POLR2D: variants seen among roughly 807,000 people sequenced by gnomAD.
POLR2D encodes the protein RNA polymerase II subunit D, also known as DNA-directed RNA polymerase II subunit RPB4.
A neutral mutation model predicts 17.6 loss-of-function variants in POLR2D; 10 were observed. The ratio of observed to expected loss-of-function variants is 0.57; its 90% CI spans 0.35 to 0.96. POLR2D has a LOEUF of 0.96. Among genes scored for constraint, POLR2D ranks in the 40% least tolerant of loss-of-function variants. The pLI, the probability that POLR2D is intolerant of heterozygous loss-of-function variation, is 0.02. For synonymous variants in POLR2D, 52 were observed against 60.2 expected (o/e 0.86, Z 0.63); for missense variants, 126 against 176.4 (o/e 0.71, Z 1.62).
chr2:127,853,239 T>C, intron 1 of POLR2D, 134 bp from the exon 2 acceptor site: 4 of 697,068 alleles, frequency 5.7e-6, no homozygotes, highest in South Asian at 1.8e-5. Flanking sequence ...CTGCTTTTTT[T>C]TGAACTTTTA....
At chr2:127,853,275 G>C (rs56240308) in intron 1 of POLR2D, among the ~76,000 whole-genome samples, 170 bp from the exon 2 acceptor site, 2 of 152,096 alleles carry the variant, frequency 1.3e-5, no homozygotes, top group Non-Finnish European at 2.9e-5. Flanking sequence ...GCATGTGCAG[G>C]TCTGTACTAC....
rs76109896 is a variant in POLR2D, at chr2:127,844,107, C to CAAAAAAAAAAAAAAAAAAAA, written c.*3999_*4000insTTTTTTTTTTTTTTTTTTTT. 1.7e-4 allele frequency: 12 copies of CAAAAAAAAAAAAAAAAAAAA among 69,474 alleles called. 3 individuals carry two copies. The highest frequency in any genetic ancestry group is 6.4e-4 in the African/African-American group (10 of 15,660). 4.3% of individuals were successfully genotyped at this position (69,474 alleles called of 1,614,324 possible). On this transcript the variant is annotated 3_prime_UTR_variant, in exon 4 of 4. Coordinates refer to ENST00000272645, the MANE Select transcript of POLR2D (RefSeq NM_004805.4). ...CGACAGAGCAAGATCCTGCTGTATC[C>CAAAAAAAAAAAAAAAAAAAA]AAAAAAAAAAAAAAAAAAAGCCTGG...
rs897822969 is a variant in POLR2D at position 127,852,021 on chromosome 2, G to A, written c.254+904C>T. Among the ~76,000 whole-genome samples, 1 of 151,888 alleles carries A rather than the reference G, an allele frequency of 6.6e-6. No individual in the cohort carries two copies. Among genetic ancestry groups the A allele is most frequent in the Non-Finnish European group, 1.5e-5 (1 of 67,974 alleles). On this transcript the variant is annotated intron_variant, in intron 2 of 3. Transcript: ENST00000272645. This position sits in a 1 kb window ranked among gnomAD's most constrained non-coding sequence, Gnocchi z 4.0. The stretch of plus-strand genomic sequence containing the variant: ...TCAGGCTGGTCTTGAACTCCTGACC[G>A]CAAGAGATGTGCCCATCTTGGTCTC...
chr2:127,851,792 G>A (rs1690256452), intron 2 of POLR2D, among the ~76,000 whole-genome samples: 1 of 151,830 alleles, frequency 6.6e-6, no homozygotes, highest in Non-Finnish European at 1.5e-5. Flanking sequence ...CTAATTCGAG[G>A]ACTTTGTTTT....
At chr2:127,848,268 CCACATCTCTAA>C in intron 3 of POLR2D, 83 bp from the exon 4 acceptor site, 3 of 780,532 alleles carry the variant, frequency 3.8e-6, no homozygotes, top group Non-Finnish European at 6.6e-6. Flanking sequence ...AATCTACTGC[CCACATCTCTAA>C]CACCTTTACC....
chr2:127,848,917 C>G (rs951356419), intron 3 of POLR2D, among the ~76,000 whole-genome samples: 1 of 152,162 alleles, frequency 6.6e-6, no homozygotes, highest in Non-Finnish European at 1.5e-5. Flanking sequence ...GTCTCAACCT[C>G]CCAAAGTGCT....
In POLR2D at chr2:127,850,533, A is replaced by G. The variant is rs17015618; in HGVS notation, c.350+57T>C. Reference sequence around the variant, plus strand: ...ACGCATACACATTTTAGACACACCAATTCTATTTGTAGGAATTTATCCAGT... The same window carrying G: ...ACGCATACACATTTTAGACACACCAGTTCTATTTGTAGGAATTTATCCAGT... On this transcript the variant is annotated intron_variant, in intron 3 of 3. Transcript: ENST00000272645. The G allele has an allele frequency of 2.2e-3, 1,674 of 762,072 alleles. 20 individuals carry two copies. In the African/African-American group the frequency reaches 0.027, roughly 12 times the overall value. 47.2% of individuals were successfully genotyped at this position (762,072 alleles called of 1,614,324 possible). A position where few individuals can be genotyped will look rare whatever the true frequency, so the allele number is the denominator to read the frequency against.
Position 127,844,375 on chromosome 2 carries a change from A to G in POLR2D, c.*3732T>C, listed in dbSNP as rs1450339658. The G allele has an allele frequency of 1.3e-5, 2 of 152,218 alleles. No individual in the cohort carries two copies. Among genetic ancestry groups the G allele is most frequent in the Non-Finnish European group, 2.9e-5 (2 of 68,040 alleles). The allele number at this position is 152,218 out of a possible 1,614,324, so 9.4% of individuals were successfully genotyped here. ...GACACTAAAACTTTCAGAAAGACTT[A>G]TCTGGTTAATTTAGCTTTCTGGTGA... On this transcript the variant is annotated 3_prime_UTR_variant, in exon 4 of 4. Transcript: ENST00000272645.
chr2:127,857,818 A>G (rs1481269710), intron 1 of POLR2D: 3 of 1,316,386 alleles, frequency 2.3e-6, no homozygotes, highest in African/African-American at 3.1e-5. Context: ...GGAACTTCGC[A>G]GTTTATCACA....
chr2:127,851,595 A>T (rs1573519108), intron 2 of POLR2D, among the ~76,000 whole-genome samples: 1 of 152,190 alleles, frequency 6.6e-6, no homozygotes, highest in Non-Finnish European at 1.5e-5. Flanking sequence ...GAATAAATAC[A>T]TAAAATAAAA....
Position 127,848,238 on chromosome 2 carries a change from A to C in POLR2D, c.351-53T>G, listed in dbSNP as rs116366469. On this transcript the variant is annotated intron_variant, in intron 3 of 3. Coordinates refer to ENST00000272645, the MANE Select transcript of POLR2D (RefSeq NM_004805.4). ...ATTTGGCGACTGGCAATTTCCCCGC[A>C]CTCTTCTTTGAGGCGTGCTAATCTA... 1.5e-3 allele frequency: 1,795 copies of C among 1,193,316 alleles called. 29 individuals are homozygous for C. In the African/African-American group the frequency reaches 0.024, roughly 16 times the overall value. The allele number at this position is 1,193,316 out of a possible 1,614,324, so 73.9% of individuals were successfully genotyped here.
At position 127,858,130 on chromosome 2, in the gene POLR2D, C is replaced by G; in HGVS notation, c.-30G>C. Reference sequence around the variant, plus strand: ...GCGCCGCGCCGCGCGCCACCACCAGCGCCGCCGGAAGCAGAAGCGCGGAGC... The same window carrying G: ...GCGCCGCGCCGCGCGCCACCACCAGGGCCGCCGGAAGCAGAAGCGCGGAGC... On this transcript the variant is annotated 5_prime_UTR_variant, in exon 1 of 4. Transcript: ENST00000272645. 3 of 1,431,566 alleles carry G rather than the reference C, an allele frequency of 2.1e-6. No individual in the cohort carries two copies. Among genetic ancestry groups the G allele is most frequent in the Non-Finnish European group, 2.8e-6 (3 of 1,090,194 alleles). The allele number at this position is 1,431,566 out of a possible 1,614,324, so 88.7% of individuals were successfully genotyped here. A position where few individuals can be genotyped will look rare whatever the true frequency, so the allele number is the denominator to read the frequency against.
In POLR2D at chr2:127,852,020, C is replaced by T. The variant is rs1235811701; in HGVS notation, c.254+905G>A. Among the ~76,000 whole-genome samples the T allele has an allele frequency of 2.6e-5, 4 of 152,104 alleles. No individual in the cohort carries two copies. Among genetic ancestry groups the T allele is most frequent in the Admixed American group, 6.6e-5 (1 of 15,262 alleles). On this transcript the variant is annotated intron_variant, in intron 2 of 3. Coordinates refer to ENST00000272645, the MANE Select transcript of POLR2D (RefSeq NM_004805.4). This position sits in a 1 kb window ranked among gnomAD's most constrained non-coding sequence, Gnocchi z 4.0. ...GTCAGGCTGGTCTTGAACTCCTGACCGCAAGAGATGTGCCCATCTTGGTCT... is the reference window on the plus strand; with the variant it reads ...GTCAGGCTGGTCTTGAACTCCTGACTGCAAGAGATGTGCCCATCTTGGTCT...
chr2:127,856,119 C>CA (rs1438233605), intron 1 of POLR2D, among the ~76,000 whole-genome samples: 1 of 150,670 alleles, frequency 6.6e-6, no homozygotes, highest in Admixed American at 6.6e-5. Context: ...CTTGTCTCCA[C>CA]AAAAAAATAC....
intron 3 of POLR2D, among the ~76,000 whole-genome samples, chr2:127,849,808 G>A (rs1690220381): frequency 6.6e-6 from 1 of 151,878 alleles, no homozygotes; most frequent in Non-Finnish European, 1.5e-5. Context: ...GCACTTGTGA[G>A]GCTGAGGCAG....
At position 127,852,048 on chromosome 2, in the gene POLR2D, C is replaced by T. The variant is rs1690260953; in HGVS notation, c.254+877G>A. ...AAGAGATGTGCCCATCTTGGTCTCC[C>T]AAAGTGCTGGAATTACAGGCATGAG... On this transcript the variant is annotated intron_variant, in intron 2 of 3. Transcript: ENST00000272645. The surrounding 1 kb of genome is among the most constrained non-coding windows in gnomAD (Gnocchi z 4.0). Among the ~76,000 whole-genome samples the T allele has an allele frequency of 1.3e-5, 2 of 152,104 alleles. No individual in the cohort carries two copies. The highest frequency in any genetic ancestry group is 1.3e-4 in the Admixed American group (2 of 15,274).
In POLR2D at chr2:127,852,799, C is replaced by T; in HGVS notation, c.254+126G>A. 1 of 730,064 alleles carries T rather than the reference C, an allele frequency of 1.4e-6. No homozygotes were observed. Among genetic ancestry groups the T allele is most frequent in the Non-Finnish European group, 2.4e-6 (1 of 425,004 alleles). 45.2% of individuals were successfully genotyped at this position (730,064 alleles called of 1,614,324 possible). A position where few individuals can be genotyped will look rare whatever the true frequency, so the allele number is the denominator to read the frequency against. ...CTTCCAAAGTGCTGGGTGTGAGCCA[C>T]CATGCCCAGCCTAACATTATTTTAC... On this transcript the variant is annotated intron_variant, in intron 2 of 3. Coordinates refer to ENST00000272645, the MANE Select transcript of POLR2D (RefSeq NM_004805.4). The surrounding 1 kb of genome is among the most constrained non-coding windows in gnomAD (Gnocchi z 4.0).
chr2:127,851,703 C>T (rs967442588), intron 2 of POLR2D, among the ~76,000 whole-genome samples: 2 of 152,204 alleles, frequency 1.3e-5, no homozygotes, highest in Admixed American at 6.5e-5. Context: ...AACAAAATAT[C>T]ATATGTACCT....
chr2:127,845,539 C>A lies in POLR2D; in HGVS notation c.*2568G>T, dbSNP rs896949894. 8.5e-5 allele frequency: 13 copies of A among 152,050 alleles called. No individual in the cohort carries two copies. Among genetic ancestry groups the A allele is most frequent in the Admixed American group, 7.9e-4 (12 of 15,238 alleles). The allele number at this position is 152,050 out of a possible 1,614,324, so 9.4% of individuals were successfully genotyped here. A position where few individuals can be genotyped will look rare whatever the true frequency, so the allele number is the denominator to read the frequency against. ...TACAGGCATGCGCCACCACGCCCCG[C>A]TAATTTTGTATTTTAAGTAGAGACG... is the stretch of plus-strand genomic sequence containing the variant. On this transcript the variant is annotated 3_prime_UTR_variant, in exon 4 of 4. Coordinates refer to ENST00000272645, the MANE Select transcript of POLR2D (RefSeq NM_004805.4).
Sources: allele counts gnomAD v4.1 joint callset (sites outside exome capture counted in the v4.1 genomes callset), GRCh38; gene constraint gnomAD v4.1.1; non-coding constraint Gnocchi (gnomAD v3.1); transcripts MANE v1.5; gene names NCBI Gene and HGNC (gene_info 2026-07-23, HGNC 2026-07-21).